Variants in NFAT5 observed in about 807,000 individuals in gnomAD.
NFAT5 encodes the protein nuclear factor of activated T-cells 5.
In NFAT5, 31 loss-of-function variants were observed where a neutral mutation model predicts 166.5. The ratio of observed to expected loss-of-function variants is 0.19; its 90% CI spans 0.14 to 0.25. The LOEUF is 0.25. Among genes scored for constraint, NFAT5 ranks in the 10% least tolerant of loss-of-function variants. The pLI, the probability that NFAT5 is intolerant of heterozygous loss-of-function variation, is 1.00. For synonymous variants in NFAT5, 612 were observed against 639.7 expected (o/e 0.96, Z 0.65); for missense variants, 1,449 against 1,821.8 (o/e 0.80, Z 3.72).
chr16:69,662,129 T>C (rs772322472), intron 7 of NFAT5, among the ~76,000 whole-genome samples: 4 of 152,170 alleles, frequency 2.6e-5, no homozygotes, highest in Admixed American at 6.6e-5. Context: ...GATACTATAC[T>C]GCACAGTAGC....
intron 2 of NFAT5, among the ~76,000 whole-genome samples, chr16:69,620,115 T>C (rs1198731494): frequency 6.6e-6 from 1 of 152,258 alleles, no homozygotes; most frequent in Non-Finnish European, 1.5e-5. Context: ...CATTAATTTA[T>C]TTTCAATATC....
intron 4 of NFAT5, among the ~76,000 whole-genome samples, chr16:69,652,056 G>A (rs2035693050): frequency 1.3e-5 from 2 of 152,156 alleles, no homozygotes; most frequent in Admixed American, 1.3e-4. Context: ...CAGATTAAAT[G>A]TGTTTGCCTG....
At chr16:69,611,962 A>G (rs1353013721) in intron 2 of NFAT5, among the ~76,000 whole-genome samples, 1 of 152,208 alleles carries the variant, frequency 6.6e-6, no homozygotes, top group East Asian at 1.9e-4. Flanking sequence ...ATAAATATTT[A>G]TTGAGTGAAT....
At chr16:69,684,744 T>C (rs2037217759) in intron 10 of NFAT5, 143 bp from the exon 11 acceptor site, 1 of 589,276 alleles carries the variant, frequency 1.7e-6, no homozygotes, top group Admixed American at 3.4e-5. Flanking sequence ...ATTTAGAGGA[T>C]AGAAATTTAC....
rs566177642 is a variant in NFAT5, at chr16:69,696,402, C to G, written c.*51C>G. 1 of 152,650 alleles carries G rather than the reference C, an allele frequency of 6.6e-6. No individual in the cohort carries two copies. The highest frequency in any genetic ancestry group is 2.1e-4 in the South Asian group (1 of 4,826). The allele number at this position is 152,650 out of a possible 1,614,324, so 9.5% of individuals were successfully genotyped here. ...TCCTGATTCCAAGATGTCCTGAGAT[C>G]TTGTGGTTCCATGAGAATTATTACT... On this transcript the variant is annotated 3_prime_UTR_variant, in exon 15 of 15. Transcript: ENST00000349945.
intron 3 of NFAT5, chr16:69,632,472 G>A (rs1014706048): frequency 6.6e-6 from 1 of 152,128 alleles, no homozygotes; most frequent in African/African-American, 2.4e-5. Context: ...AGAATATTGA[G>A]TTGAAAAGCC....
chr16:69,627,311 A>T (rs999361424), intron 3 of NFAT5, among the ~76,000 whole-genome samples: 8 of 134,122 alleles, frequency 6.0e-5, no homozygotes, highest in Non-Finnish European at 9.5e-5. Flanking sequence ...TGTTTGTTTT[A>T]AAAAAAGGAA....
rs759025555 is a variant in NFAT5 at position 69,695,328 on chromosome 16, T to C, written c.4607T>C (p.Val1536Ala). ...AACATCGAAAAGATTGATTTGCTTG[T>C]TTCATTGCAAAACCAAGGGAACAAC... ...NQNIEKIDLL[V>A]SLQNQGNNLT... The change falls in exon 14 of 15, where the codon GTT (valine) becomes GCT (alanine). Residue 1536 changes from valine (V) to alanine (A), a missense_variant. By Grantham distance (64) the Val-to-Ala change is moderately conservative (BLOSUM62 0). Coordinates refer to ENST00000349945, the MANE Select transcript of NFAT5 (RefSeq NM_138713.4). The C allele has an allele frequency of 6.2e-7, 1 of 1,614,196 alleles. No individual in the cohort carries two copies. Among genetic ancestry groups the C allele is most frequent in the Non-Finnish European group, 8.5e-7 (1 of 1,180,026 alleles).
At chr16:69,601,449 C>G (rs918129746) in intron 2 of NFAT5, among the ~76,000 whole-genome samples, 13 of 152,166 alleles carry the variant, frequency 8.5e-5, no homozygotes, top group African/African-American at 2.7e-4. Flanking sequence ...CTCACTGTAG[C>G]CTCGACCTCC....
At position 69,659,821 on chromosome 16, in the gene NFAT5, T is replaced by C. The variant is rs756626177; in HGVS notation, c.1291T>C (p.Leu431=). The C allele has an allele frequency of 9.9e-6, 16 of 1,614,028 alleles. No individual in the cohort carries two copies. Among genetic ancestry groups the C allele is most frequent in the Middle Eastern group, 1.7e-4 (1 of 6,060 alleles). ...CAAGAAGAAAAGCACTCGTGCCAGA[T>C]TGGTTTTTCGAGTTAATATCATGAG... The part of the protein sequence containing the change: ...GSKKKSTRAR[L]VFRVNIMRKD... The change falls in exon 7 of 15, where the codon TTG becomes CTG. Residue 431 remains leucine, a synonymous_variant. Coordinates refer to ENST00000349945, the MANE Select transcript of NFAT5 (RefSeq NM_138713.4).
At chr16:69,675,858 C>G (rs540089675) in intron 9 of NFAT5, among the ~76,000 whole-genome samples, 1 of 152,294 alleles carries the variant, frequency 6.6e-6, no homozygotes, top group Admixed American at 6.5e-5. Context: ...CCAGGCTGTT[C>G]TCAAGCTCCT....
intron 2 of NFAT5, among the ~76,000 whole-genome samples, chr16:69,623,634 A>C (rs1275077459): frequency 6.6e-6 from 1 of 151,844 alleles, no homozygotes; most frequent in African/African-American, 2.4e-5. Flanking sequence ...CAGCCTCCCA[A>C]GTAGCTGTGA....
In NFAT5 at chr16:69,640,147, C is replaced by T. The variant is rs369203033; in HGVS notation, c.254-6881C>T. On this transcript the variant is annotated intron_variant, in intron 3 of 14. Transcript: ENST00000349945. ...ATACACTTAACTTGCATTCTAGCTT[C>T]GCCATTCAGAGACAGGCATCGTGTG... 8.5e-5 allele frequency among the ~76,000 whole-genome samples: 13 copies of T among 152,184 alleles called. No individual in the cohort carries two copies. The East Asian group carries it at 1.5e-3, about 18-fold the overall frequency.
chr16:69,626,079 G>A (rs1196021548), intron 2 of NFAT5, among the ~76,000 whole-genome samples: 1 of 149,768 alleles, frequency 6.7e-6, no homozygotes, highest in African/African-American at 2.5e-5. Flanking sequence ...AAATAGTTGG[G>A]ACTGTAGGTG....
At chr16:69,628,409 T>C (rs936239495) in intron 3 of NFAT5, among the ~76,000 whole-genome samples, 1 of 152,110 alleles carries the variant, frequency 6.6e-6, no homozygotes, top group African/African-American at 2.4e-5. Context: ...AGGTAAACTT[T>C]CTAGTTTTGT....
At chr16:69,667,494 T>TAAAAAAAA (rs57015431) in intron 7 of NFAT5, among the ~76,000 whole-genome samples, 1 of 125,938 alleles carries the variant, frequency 7.9e-6, no homozygotes, top group Admixed American at 7.8e-5. Context: ...TTGCAGAAAC[T>TAAAAAAAA]AAAAAAAAAA....
chr16:69,683,298 G>C (rs1181258924), intron 10 of NFAT5, among the ~76,000 whole-genome samples: 9 of 152,138 alleles, frequency 5.9e-5, no homozygotes, highest in African/African-American at 1.9e-4. Flanking sequence ...TAGGGTGTCT[G>C]AGGTGGGCAG....
At chr16:69,598,670 C>CT (rs770334674) in intron 2 of NFAT5, among the ~76,000 whole-genome samples, 20 of 152,012 alleles carry the variant, frequency 1.3e-4, no homozygotes, top group Non-Finnish European at 2.5e-4. Context: ...AAATAAAGTC[C>CT]TTTTCCTCAC....
chr16:69,695,688 C>CA (rs35634481), intron 14 of NFAT5: 28,395 of 118,758 alleles, frequency 0.24, 2,951 homozygotes, highest in East Asian at 0.48. Context: ...CTAAAAAATA[C>CA]AAAAAAAAAA....
Sources: gnomAD v4.1 joint callset for allele counts (sites outside exome capture counted in the v4.1 genomes callset) on GRCh38, gnomAD v4.1.1 for gene constraint, MANE v1.5 for transcripts, NCBI Gene and HGNC (gene_info 2026-07-23, HGNC 2026-07-21) for gene names.